Variants in PCDHGA8 observed in about 807,000 individuals in gnomAD.
PCDHGA8 encodes the protein protocadherin gamma subfamily A, 8.
PCDHGA8 carries 45 observed loss-of-function variants against 59.2 expected under a neutral mutation model. The ratio of observed to expected loss-of-function variants is 0.76; its 90% CI spans 0.60 to 0.98. The LOEUF (loss-of-function observed/expected upper bound fraction) is 0.98. PCDHGA8 is among the 50% of genes least tolerant of loss of function. The pLI is 0.00. For missense variants in PCDHGA8, 1,257 were observed against 1,196.2 expected (o/e 1.05, Z -0.75); for synonymous variants, 531 against 519.0 (o/e 1.02, Z -0.32).
chr5:141,432,096 A>G lies in PCDHGA8; in HGVS notation c.2424+36859A>G, dbSNP rs763154183. On this transcript the variant is annotated intron_variant, in intron 1 of 3. Transcript: ENST00000398604. This position sits in a 1 kb window ranked among gnomAD's most constrained non-coding sequence, Gnocchi z 6.0. Reference sequence around the variant, plus strand: ...ATCTCGCTGAACGTGGCAGACACCAACGACAACCCGCCGGTCTTCCCTCAG... The same window carrying G: ...ATCTCGCTGAACGTGGCAGACACCAGCGACAACCCGCCGGTCTTCCCTCAG... The G allele has an allele frequency of 1.9e-6, 3 of 1,613,944 alleles. No homozygotes were observed. Among genetic ancestry groups the G allele is most frequent in the East Asian group, 2.2e-5 (1 of 44,870 alleles).
At chr5:141,433,096 C>A in intron 1 of PCDHGA8, 3 of 1,614,118 alleles carry the variant, frequency 1.9e-6, no homozygotes, top group Non-Finnish European at 2.5e-6. Context: ...CAGACATGCT[C>A]GTCAGCCAGG....
chr5:141,398,040 C>T (rs569692941), intron 1 of PCDHGA8: 5 of 1,485,976 alleles, frequency 3.4e-6, no homozygotes, highest in East Asian at 4.8e-5. Context: ...AACTAAAGCC[C>T]GTTCGGAGAT....
intron 1 of PCDHGA8, among the ~76,000 whole-genome samples, chr5:141,488,493 C>T (rs1594759823): frequency 6.6e-6 from 1 of 152,226 alleles, no homozygotes; most frequent in East Asian, 1.9e-4. Context: ...AAAACTGTAA[C>T]ACTCATTCCA....
chr5:141,404,466 TCTCTATTAA>T, intron 1 of PCDHGA8: 5 of 1,613,558 alleles, frequency 3.1e-6, no homozygotes, highest in Non-Finnish European at 4.2e-6. Context: ...TCCACCTATG[TCTCTATTAA>T]CTCAGACACT....
intron 1 of PCDHGA8, among the ~76,000 whole-genome samples, chr5:141,438,598 AT>A (rs1433028092): frequency 6.7e-5 from 2 of 29,776 alleles, no homozygotes; most frequent in Non-Finnish European, 1.4e-4. Context: ...ATACATATAT[AT>A]ATATATATAT....
At chr5:141,420,062 T>G (rs759817545) in intron 1 of PCDHGA8, 1 of 1,614,066 alleles carries the variant, frequency 6.2e-7, no homozygotes, top group Non-Finnish European at 8.5e-7. Context: ...CTGCTCCAAG[T>G]CCGGACCTGT....
intron 1 of PCDHGA8, among the ~76,000 whole-genome samples, chr5:141,445,920 A>C (rs1343777309): frequency 6.6e-6 from 1 of 152,212 alleles, no homozygotes; most frequent in African/African-American, 2.4e-5. Context: ...GGCAGTGACA[A>C]GATATTTGAA....
chr5:141,415,819 T>C, intron 1 of PCDHGA8: 1 of 1,328,322 alleles, frequency 7.5e-7, no homozygotes, highest in Admixed American at 3.5e-5. Context: ...CTATATATCA[T>C]AAGGCTTTGT....
chr5:141,393,453 G>T lies in PCDHGA8; in HGVS notation c.640G>T (p.Ala214Ser), dbSNP rs373805221. Residue 214 changes from alanine (A) to serine (S), a missense_variant, in exon 1 of 4, where the codon GCC (alanine) becomes TCC (serine). Transcript: ENST00000398604. ...GGCTGCTCACCACCTGGTCCTCACG[G>T]CCTCGGATGGCGGCAAGCCGCCTCG... ...EEAAHHLVLT[A>S]SDGGKPPRSS... 6.6e-5 allele frequency: 107 copies of T among 1,614,038 alleles called. 2 individuals carry two copies. In the South Asian group the frequency reaches 1.0e-3, roughly 15 times the overall value.
At position 141,486,218 on chromosome 5, in the gene PCDHGA8, T is replaced by A. The variant is rs1467104398; in HGVS notation, c.2425-8589T>A. The A allele has an allele frequency of 2.5e-6, 4 of 1,614,004 alleles. No homozygotes were observed. The African/African-American group carries it at 5.3e-5, about 22-fold the overall frequency. On this transcript the variant is annotated intron_variant, in intron 1 of 3. Transcript: ENST00000398604. The surrounding 1 kb of genome is among the most constrained non-coding windows in gnomAD (Gnocchi z 5.0). ...GCTGGACGTAAATGACAATGCCCCT[T>A]ACATCACAGTGACCTCAGAGCTTGG...
At position 141,400,132 on chromosome 5, in the gene PCDHGA8, C is replaced by T. The variant is rs762060556; in HGVS notation, c.2424+4895C>T. 6.3e-5 allele frequency: 101 copies of T among 1,613,964 alleles called. No individual in the cohort carries two copies. The highest frequency in any genetic ancestry group is 8.4e-5 in the Non-Finnish European group (99 of 1,179,904). On this transcript the variant is annotated intron_variant, in intron 1 of 3. Coordinates refer to ENST00000398604, the MANE Select transcript of PCDHGA8 (RefSeq NM_032088.2). ...TGCTGACAGCTTGCAGGAGGTGCTG[C>T]CGGATATCACTGACCGCCCTGTACC...
intron 1 of PCDHGA8, among the ~76,000 whole-genome samples, chr5:141,449,589 A>G (rs1196329432): frequency 7.6e-6 from 1 of 131,966 alleles, no homozygotes; most frequent in Non-Finnish European, 1.7e-5. Context: ...ACTCTGTCTC[A>G]AAAAAAAAAA....
chr5:141,414,087 A>G (rs377653676), intron 1 of PCDHGA8: 31 of 1,599,656 alleles, frequency 1.9e-5, no homozygotes, highest in Middle Eastern at 3.3e-4. Context: ...ATACTGGAGA[A>G]ATAAAAATAT....
chr5:141,418,948 A>G (rs767664022), intron 1 of PCDHGA8: 1 of 1,614,042 alleles, frequency 6.2e-7, no homozygotes, highest in Non-Finnish European at 8.5e-7. Context: ...CCCCTCCAGG[A>G]GTGGTTGTTG....
intron 1 of PCDHGA8, chr5:141,421,662 G>C: frequency 5.6e-6 from 9 of 1,613,844 alleles, no homozygotes; most frequent in Non-Finnish European, 7.6e-6. Context: ...AAGTCAGTGA[G>C]CACGCAATTC....
At chr5:141,442,129 G>T in intron 1 of PCDHGA8, 1 of 165,104 alleles carries the variant, frequency 6.1e-6, no homozygotes, top group Non-Finnish European at 1.3e-5. Flanking sequence ...CCGACAGCCT[G>T]CAGGAGACTC....
At chr5:141,418,604 G>A in intron 1 of PCDHGA8, 2 of 1,614,040 alleles carry the variant, frequency 1.2e-6, no homozygotes, top group Non-Finnish European at 1.7e-6. Context: ...CGTGTACAGG[G>A]TTAGCCTTCG....
At chr5:141,455,740 G>C (rs2098830344) in intron 1 of PCDHGA8, among the ~76,000 whole-genome samples, 1 of 152,136 alleles carries the variant, frequency 6.6e-6, no homozygotes, top group Non-Finnish European at 1.5e-5. Context: ...GCATATCAAA[G>C]GTTGCTGGCC....
rs57426385 is a variant in PCDHGA8, at chr5:141,415,740, G to GTTTTTTTTTTTTT, written c.2424+20523_2424+20535dup. ...TGAGTAGAATTTGATGTTTATTAAGGTTTTTTTTTTTTTTTTTTTTTTTTT... is the reference window on the plus strand; with the variant it reads ...TGAGTAGAATTTGATGTTTATTAAGGTTTTTTTTTTTTTTTTTTTTTTTTTTTTTTTTTTTTTT... On this transcript the variant is annotated intron_variant, in intron 1 of 3. Coordinates refer to ENST00000398604, the MANE Select transcript of PCDHGA8 (RefSeq NM_032088.2). The GTTTTTTTTTTTTT allele has an allele frequency of 2.5e-4, 159 of 625,022 alleles. 3 individuals carry two copies. Among genetic ancestry groups the GTTTTTTTTTTTTT allele is most frequent in the Admixed American group, 5.7e-4 (8 of 14,124 alleles). 38.7% of individuals were successfully genotyped at this position (625,022 alleles called of 1,614,324 possible).
Sources: allele counts gnomAD v4.1 joint callset (sites outside exome capture counted in the v4.1 genomes callset), GRCh38; gene constraint gnomAD v4.1.1; non-coding constraint Gnocchi (gnomAD v3.1); transcripts MANE v1.5; gene names NCBI Gene and HGNC (gene_info 2026-07-23, HGNC 2026-07-21).